PCNP: variants seen among roughly 807,000 people sequenced by gnomAD.
PCNP encodes PEST proteolytic signal-containing nuclear protein.
PCNP carries 6 observed loss-of-function variants against 21.8 expected under a neutral mutation model. That is an observed-to-expected ratio of 0.28 (90% CI 0.15 to 0.54). The LOEUF (loss-of-function observed/expected upper bound fraction) is 0.54. Among genes scored for constraint, PCNP ranks in the 20% least tolerant of loss-of-function variants. The pLI is 0.95. For missense variants in PCNP, 161 were observed against 215.5 expected, an observed-to-expected ratio of 0.75 and a Z score of 1.58; for synonymous variants, 67 against 73.2, an observed-to-expected ratio of 0.92 and a Z score of 0.43.
At chr3:101,586,380 A>C (rs1046570075) in intron 3 of PCNP, among the ~76,000 whole-genome samples, 1 of 151,916 alleles carries the variant, frequency 6.6e-6, no homozygotes, top group Non-Finnish European at 1.5e-5. Flanking sequence ...TTCCCATGTT[A>C]TGAATGACCT....
At chr3:101,580,471 CAGAA>C (rs1333148826) in intron 2 of PCNP, among the ~76,000 whole-genome samples, 2 of 151,680 alleles carry the variant, frequency 1.3e-5, no homozygotes, top group Non-Finnish European at 1.5e-5. Context: ...AAAATATTGT[CAGAA>C]AGATTTTCCA....
intron 4 of PCNP, among the ~76,000 whole-genome samples, chr3:101,592,403 A>T (rs1935862121): frequency 6.6e-6 from 1 of 151,758 alleles, no homozygotes; most frequent in Non-Finnish European, 1.5e-5. Flanking sequence ...CAAATTGCTG[A>T]CCTCAGGTGA....
intron 3 of PCNP, among the ~76,000 whole-genome samples, chr3:101,586,560 G>GTC (rs1935519816): frequency 3.6e-5 from 2 of 55,402 alleles, no homozygotes; most frequent in African/African-American, 8.8e-5. Context: ...GTGTGTGTGT[G>GTC]TGTGTGTGTG....
At chr3:101,587,084 CTACTAAAAA>C (rs766007363) in intron 3 of PCNP, among the ~76,000 whole-genome samples, 395 of 152,048 alleles carry the variant, frequency 2.6e-3, no homozygotes, top group Non-Finnish European at 4.5e-3. Flanking sequence ...AACCCCGTCT[CTACTAAAAA>C]TACAATATTA....
rs749765131 is a variant in PCNP, at chr3:101,590,285, C to G, written c.410+15C>G. 2 of 1,311,864 alleles carry G rather than the reference C, an allele frequency of 1.5e-6. No homozygotes were observed. The highest frequency in any genetic ancestry group is 1.8e-5 in the Admixed American group (1 of 56,950). 81.3% of individuals were successfully genotyped at this position (1,311,864 alleles called of 1,614,324 possible). A position where few individuals can be genotyped will look rare whatever the true frequency, so the allele number is the denominator to read the frequency against. Reference sequence around the variant, plus strand: ...AATATTGGAAGGTATTATAATTTTTCATAAATATTATAGAAAGATACAAAG... The same window carrying G: ...AATATTGGAAGGTATTATAATTTTTGATAAATATTATAGAAAGATACAAAG... On this transcript the variant is annotated intron_variant, in intron 4 of 4. Transcript: ENST00000265260.
At chr3:101,577,973 G>C (rs1049268424) in intron 1 of PCNP, among the ~76,000 whole-genome samples, 3 of 152,090 alleles carry the variant, frequency 2.0e-5, no homozygotes, top group African/African-American at 7.2e-5. Flanking sequence ...GTACAAATTA[G>C]ATAAAATTCC....
At chr3:101,583,787 A>G (rs1430607404) in intron 2 of PCNP, among the ~76,000 whole-genome samples, 3 of 150,060 alleles carry the variant, frequency 2.0e-5, no homozygotes, top group Admixed American at 2.0e-4. Flanking sequence ...AGCTGAGATT[A>G]CAGGTGTGCA....
In PCNP at chr3:101,592,786, G is replaced by A. The variant is rs777910517; in HGVS notation, c.*33G>A. 3.7e-5 allele frequency: 59 copies of A among 1,594,520 alleles called. No individual in the cohort carries two copies. Among genetic ancestry groups the A allele is most frequent in the Middle Eastern group, 1.7e-4 (1 of 5,970 alleles). ...TTTGAAATTGGGGTGTGGGGTGGGT[G>A]TAAAGTTAAAAGGAACAGTTTCCTT... On this transcript the variant is annotated 3_prime_UTR_variant, in exon 5 of 5. Transcript: ENST00000265260.
At chr3:101,577,812 C>T (rs1935007198) in intron 1 of PCNP, among the ~76,000 whole-genome samples, 1 of 152,236 alleles carries the variant, frequency 6.6e-6, no homozygotes, top group African/African-American at 2.4e-5. Context: ...GTGTGAGCCA[C>T]TGTGCCCAGC....
At chr3:101,591,254 G>A (rs905539219) in intron 4 of PCNP, among the ~76,000 whole-genome samples, 2 of 152,302 alleles carry the variant, frequency 1.3e-5, no homozygotes, top group East Asian at 1.9e-4. Context: ...TCCTGTCTTT[G>A]TGTGCATTAA....
chr3:101,579,855 A>G lies in PCNP; in HGVS notation c.130A>G (p.Ser44Gly). Reference sequence around the variant, plus strand: ...TGTTTCTTCCAGTAATGGAGGGGAAAGTTCCAGTCGCAGCGCTGAGAAGCG... The same window carrying G: ...TGTTTCTTCCAGTAATGGAGGGGAAGGTTCCAGTCGCAGCGCTGAGAAGCG... ...KTVSSSNGGE[S>G]SSRSAEKRSA... The change falls in exon 2 of 5, where the codon AGT becomes GGT. Residue 44 changes from serine to glycine, a missense_variant. Physicochemically the swap from Ser to Gly is moderately conservative, Grantham distance 56. Transcript: ENST00000265260. 1 of 1,614,196 alleles carries G rather than the reference A, an allele frequency of 6.2e-7. No individual in the cohort carries two copies. Among genetic ancestry groups the G allele is most frequent in the Non-Finnish European group, 8.5e-7 (1 of 1,180,008 alleles).
intron 4 of PCNP, among the ~76,000 whole-genome samples, chr3:101,591,797 G>T (rs1399901314): frequency 8.2e-6 from 1 of 121,678 alleles, no homozygotes; most frequent in Non-Finnish European, 1.6e-5. Flanking sequence ...TTTAAGACAG[G>T]ATCTAGCTCT....
chr3:101,582,899 A>G lies in PCNP; in HGVS notation c.280-2538A>G, dbSNP rs1935300211. 2.0e-5 allele frequency among the ~76,000 whole-genome samples: 3 copies of G among 152,212 alleles called. 1 individual carries two copies. The highest frequency in any genetic ancestry group is 3.8e-4 in the East Asian group (2 of 5,198). On this transcript the variant is annotated intron_variant, in intron 2 of 4. Transcript: ENST00000265260. ...GGTTTGGTGGGGAAATGTAGGGATA[A>G]ACAGCCCCCAAAATTAAGACCATGA... is the stretch of plus-strand genomic sequence containing the variant.
intron 1 of PCNP, among the ~76,000 whole-genome samples, chr3:101,578,954 T>C (rs1935079411): frequency 6.6e-6 from 1 of 152,214 alleles, no homozygotes; most frequent in South Asian, 2.1e-4. Flanking sequence ...TAGTCTCATA[T>C]AACAGACCCA....
chr3:101,590,620 C>G (rs563582000), intron 4 of PCNP, among the ~76,000 whole-genome samples: 1 of 152,352 alleles, frequency 6.6e-6, no homozygotes, highest in East Asian at 1.9e-4. Context: ...TCACAGCTCA[C>G]TGCAGCCTCG....
rs1935929815 is a variant in PCNP at position 101,593,793 on chromosome 3, A to G, written c.*1040A>G. ...TATATGGTTTATTTTAAATGCGTAC[A>G]TATTGACCAATGGCCTCTGAAAAAG... is the stretch of plus-strand genomic sequence containing the variant. On this transcript the variant is annotated 3_prime_UTR_variant, in exon 5 of 5. Transcript: ENST00000265260. 1 of 152,640 alleles carries G rather than the reference A, an allele frequency of 6.6e-6. No individual in the cohort carries two copies. Among genetic ancestry groups the G allele is most frequent in the Non-Finnish European group, 1.5e-5 (1 of 68,032 alleles). 9.5% of individuals were successfully genotyped at this position (152,640 alleles called of 1,614,324 possible).
Position 101,592,847 on chromosome 3 carries a change from C to CT in PCNP, c.*103dup, listed in dbSNP as rs1024614530. On this transcript the variant is annotated 3_prime_UTR_variant, in exon 5 of 5. Coordinates refer to ENST00000265260, the MANE Select transcript of PCNP (RefSeq NM_020357.3). ...TGGTATAAGACTATCTTTGGAGCCG[C>CT]TTTTTTTTTCTTTTTCATTTTTTTA... 2,022 of 1,020,230 alleles carry CT rather than the reference C, an allele frequency of 2.0e-3. No individual in the cohort carries two copies. The highest frequency in any genetic ancestry group is 2.3e-3 in the South Asian group (85 of 37,074). The allele number at this position is 1,020,230 out of a possible 1,614,324, so 63.2% of individuals were successfully genotyped here.
chr3:101,585,536 TTTTAC>T, intron 3 of PCNP, 25 bp downstream of exon 3: 1 of 1,502,624 alleles, frequency 6.7e-7, no homozygotes, highest in East Asian at 2.3e-5. Context: ...AGTTTTGTTT[TTTTAC>T]TTTAACCAGT....
At chr3:101,582,445 G>C (rs530947262) in intron 2 of PCNP, among the ~76,000 whole-genome samples, 3 of 152,100 alleles carry the variant, frequency 2.0e-5, no homozygotes, top group African/African-American at 4.8e-5. Flanking sequence ...GTGAGACTCC[G>C]TCTCAAAAAT....
Sources: gnomAD v4.1 joint callset for allele counts (sites outside exome capture counted in the v4.1 genomes callset) on GRCh38, gnomAD v4.1.1 for gene constraint, MANE v1.5 for transcripts, NCBI Gene and HGNC (gene_info 2026-07-23, HGNC 2026-07-21) for gene names.